The following CTBP2 variants were observed in gnomAD, a reference collection of about 807,000 sequenced individuals.
CTBP2 encodes the protein C-terminal-binding protein 2.
Under a neutral mutation model 80.3 loss-of-function variants are expected in CTBP2, and 30 were observed. The ratio of observed to expected loss-of-function variants is 0.37; its 90% CI spans 0.28 to 0.51. The LOEUF is 0.51. Among genes scored for constraint, CTBP2 ranks in the 20% least tolerant of loss-of-function variants. The probability of loss-of-function intolerance (pLI) is 0.93; values close to 1 mark genes in which losing one functional copy is unlikely to be tolerated. For missense variants in CTBP2, 1,212 were observed against 1,375.3 expected, an observed-to-expected ratio of 0.88 and a Z score of 1.88; for synonymous variants, 594 against 587.4, an observed-to-expected ratio of 1.01 and a Z score of -0.16.
intron 1 of CTBP2, among the ~76,000 whole-genome samples, chr10:125,134,417 G>A (rs145908876): frequency 1.1e-4 from 16 of 152,294 alleles, no homozygotes; most frequent in South Asian, 2.1e-4. Context: ...TGTAGGGACC[G>A]CCTGGTGGGG....
intron 2 of CTBP2, among the ~76,000 whole-genome samples, chr10:125,041,531 C>T (rs1959810276): frequency 8.0e-6 from 1 of 125,548 alleles, no homozygotes; most frequent in South Asian, 2.8e-4. Context: ...CCACAAGTGA[C>T]TCTAGGTGAG....
rs1590174560 is a variant in CTBP2 at position 125,027,504 on chromosome 10, T to G, written c.256A>C (p.Thr86Pro). Reference sequence around the variant, plus strand: ...CTGTCGTAGAAGGTGAAGTCAGGAGTAGACCCCTTTCTTGCAGCCACTGAG... The same window carrying G: ...CTGTCGTAGAAGGTGAAGTCAGGAGGAGACCCCTTTCTTGCAGCCACTGAG... The change falls in exon 1 of 9, where the codon ACT becomes CCT. Residue 86 changes from threonine (T) to proline (P), a missense_variant. Transcript: ENST00000309035. 1 of 1,613,538 alleles carries G rather than the reference T, an allele frequency of 6.2e-7. No individual in the cohort carries two copies. The highest frequency in any genetic ancestry group is 8.5e-7 in the Non-Finnish European group (1 of 1,179,850).
intron 3 of CTBP2, among the ~76,000 whole-genome samples, chr10:125,036,860 G>A (rs1016312038): frequency 1.3e-5 from 2 of 152,126 alleles, no homozygotes; most frequent in African/African-American, 4.8e-5. Flanking sequence ...CTCTCTGGCA[G>A]CACCTGTGAG....
At chr10:125,055,371 G>A (rs183062429) in intron 2 of CTBP2, among the ~76,000 whole-genome samples, 89 of 152,300 alleles carry the variant, frequency 5.8e-4, no homozygotes, top group African/African-American at 1.8e-3. Flanking sequence ...CCACGCAGGT[G>A]CCATGCCCTC....
intron 3 of CTBP2, among the ~76,000 whole-genome samples, chr10:125,002,639 T>C (rs1565053979): frequency 6.6e-6 from 1 of 152,138 alleles, no homozygotes; most frequent in Non-Finnish European, 1.5e-5. Context: ...TTAGAGGACA[T>C]GTGGCCAGTC....
rs1017398638 is a variant in CTBP2, at chr10:124,984,647, T to C, written c.*4871A>G. The C allele has an allele frequency of 2.0e-5, 18 of 889,340 alleles. No homozygotes were observed. Among genetic ancestry groups the C allele is most frequent in the African/African-American group, 1.7e-4 (10 of 59,278 alleles). 55.1% of individuals were successfully genotyped at this position (889,340 alleles called of 1,614,324 possible). On this transcript the variant is annotated 3_prime_UTR_variant, in exon 9 of 9. Coordinates refer to ENST00000309035, the MANE Select transcript of CTBP2 (RefSeq NM_022802.3). ...CAAAACTTCCAAGAGGTCAAAACCA[T>C]GTGAAAAGTTGATTGCTTTGGCCTT...
intron 2 of CTBP2, among the ~76,000 whole-genome samples, chr10:125,082,871 G>C (rs1847389675): frequency 6.6e-6 from 1 of 152,162 alleles, no homozygotes; most frequent in East Asian, 1.9e-4. Context: ...TTATAGGCGT[G>C]AGCCCCTGCA....
chr10:125,084,666 C>T (rs780140274), intron 2 of CTBP2, among the ~76,000 whole-genome samples: 66 of 152,138 alleles, frequency 4.3e-4, no homozygotes, highest in Non-Finnish European at 7.3e-4. Context: ...AAGCACAGCC[C>T]TTCTCCTTGC....
At position 124,987,830 on chromosome 10, in the gene CTBP2, CTTAA is replaced by C. The variant is rs1290118504; in HGVS notation, c.*1684_*1687del. The C allele has an allele frequency of 6.6e-6, 1 of 152,158 alleles. No homozygotes were observed. Among genetic ancestry groups the C allele is most frequent in the Non-Finnish European group, 1.5e-5 (1 of 68,044 alleles). 9.4% of individuals were successfully genotyped at this position (152,158 alleles called of 1,614,324 possible). A position where few individuals can be genotyped will look rare whatever the true frequency, so the allele number is the denominator to read the frequency against. Reference sequence around the variant, plus strand: ...GAGTTTCATACCTGGAATTGTTGGACTTAATTGACACTTGCAAATACTTTTAGTA... The same window carrying C: ...GAGTTTCATACCTGGAATTGTTGGACTTGACACTTGCAAATACTTTTAGTA... On this transcript the variant is annotated 3_prime_UTR_variant, in exon 9 of 9. Transcript: ENST00000309035.
intron 1 of CTBP2, among the ~76,000 whole-genome samples, chr10:125,124,272 T>C (rs1854838404): frequency 6.6e-6 from 1 of 152,198 alleles, no homozygotes; most frequent in Non-Finnish European, 1.5e-5. Context: ...TGTCTTTTCC[T>C]GGGCCTCCCC....
intron 1 of CTBP2, among the ~76,000 whole-genome samples, chr10:125,155,617 A>C (rs1043324103): frequency 1.3e-5 from 2 of 152,040 alleles, no homozygotes; most frequent in Non-Finnish European, 2.9e-5. Context: ...GCCACTGAAC[A>C]CCTTTAAAAT....
chr10:125,039,623 AAAC>A (rs1290936745), intron 2 of CTBP2, among the ~76,000 whole-genome samples: 2 of 152,206 alleles, frequency 1.3e-5, no homozygotes, highest in East Asian at 3.9e-4. Context: ...ATGCTTTCCA[AAAC>A]AGCCGCGCAG....
rs545888355 is a variant in CTBP2, at chr10:125,026,657, C to G, written c.1103G>C (p.Arg368Pro). 1.3e-6 allele frequency: 2 copies of G among 1,594,956 alleles called. No individual in the cohort carries two copies. The highest frequency in any genetic ancestry group is 8.5e-7 in the Non-Finnish European group (1 of 1,171,584). Residue 368 changes from arginine to proline, a missense_variant, in exon 1 of 9, where the codon CGG becomes CCG. This residue lies in a region of CTBP2 where 848 missense variants were observed against 782.3 expected (regional missense o/e 1.08). Transcript: ENST00000309035. ...GCTTCGGTGGCTGAAGCTGCTGGAC[C>G]GCGCCCGGGGCAGCGGGCCCCCCCG...
At chr10:125,147,428 G>A (rs540213512) in intron 1 of CTBP2, among the ~76,000 whole-genome samples, 123 of 152,282 alleles carry the variant, frequency 8.1e-4, no homozygotes, top group African/African-American at 2.8e-3. Context: ...TTCTTGGAGT[G>A]ACCTAATACG....
At chr10:125,135,099 C>T (rs549546357) in intron 1 of CTBP2, among the ~76,000 whole-genome samples, 1 of 152,228 alleles carries the variant, frequency 6.6e-6, no homozygotes, top group East Asian at 1.9e-4. Flanking sequence ...AGGGGAGCCC[C>T]TTCTTGATCC....
At chr10:125,018,111 A>G (rs1956676691) in intron 1 of CTBP2, among the ~76,000 whole-genome samples, 1 of 152,218 alleles carries the variant, frequency 6.6e-6, no homozygotes, top group South Asian at 2.1e-4. Flanking sequence ...GAGGATCATC[A>G]TGGCATGGGC....
intron 2 of CTBP2, among the ~76,000 whole-genome samples, chr10:125,088,599 C>T (rs941952957): frequency 2.0e-5 from 3 of 152,154 alleles, no homozygotes; most frequent in Non-Finnish European, 4.4e-5. Flanking sequence ...GGATTGATCA[C>T]TATTGCTCAT....
rs373801379 is a variant in CTBP2, at chr10:125,116,350, TCA to T, written c.-205-5259_-205-5258del. On this transcript the variant is annotated intron_variant, in intron 1 of 10. Transcript: ENST00000337195. Reference sequence around the variant, plus strand: ...TTAGGACGAGTGAACGCCCTCTGCCTCACAGACACTCCCTCGGCACCCATGCT... The same window carrying T: ...TTAGGACGAGTGAACGCCCTCTGCCTCAGACACTCCCTCGGCACCCATGCT... Among the ~76,000 whole-genome samples the T allele has an allele frequency of 3.9e-4, 60 of 152,260 alleles. 1 individual carries two copies. In the East Asian group the frequency reaches 0.01, roughly 26 times the overall value.
chr10:125,054,046 T>C (rs1258394804), intron 2 of CTBP2, among the ~76,000 whole-genome samples: 3 of 152,044 alleles, frequency 2.0e-5, no homozygotes, highest in East Asian at 1.9e-4. Flanking sequence ...TAGAGGGCCA[T>C]GAATTGAGGG....
Sources: allele counts gnomAD v4.1 joint callset (sites outside exome capture counted in the v4.1 genomes callset), GRCh38; gene constraint gnomAD v4.1.1; regional missense constraint gnomAD v4.1.1; transcripts MANE v1.5; gene names NCBI Gene and HGNC (gene_info 2026-07-23, HGNC 2026-07-21).